TMEM135: variants seen among roughly 807,000 people sequenced by gnomAD.
TMEM135 encodes transmembrane protein 135.
Under a neutral mutation model 60.3 loss-of-function variants are expected in TMEM135, and 30 were observed. The observed-to-expected ratio is 0.50, with a 90% CI of 0.37 to 0.68. The LOEUF is 0.68. Among genes scored for constraint, TMEM135 ranks in the 30% least tolerant of loss-of-function variants. TMEM135 has a pLI of 0.00. For missense variants in TMEM135, 468 were observed against 548.8 expected (o/e 0.85, Z 1.47); for synonymous variants, 190 against 186.7 (o/e 1.02, Z -0.14).
At chr11:87,152,700 A>T (rs1317000653) in intron 4 of TMEM135, among the ~76,000 whole-genome samples, 4 of 152,188 alleles carry the variant, frequency 2.6e-5, no homozygotes, top group African/African-American at 9.7e-5. Flanking sequence ...CGGCCTCCCA[A>T]GGTGCTGGGA....
chr11:87,136,570 G>A (rs1255522353), intron 4 of TMEM135, among the ~76,000 whole-genome samples: 1 of 151,804 alleles, frequency 6.6e-6, no homozygotes, highest in African/African-American at 2.4e-5. Context: ...TTGAGAAATG[G>A]GATTATTTCT....
chr11:87,234,198 A>G (rs985415439), intron 5 of TMEM135, among the ~76,000 whole-genome samples: 39 of 151,990 alleles, frequency 2.6e-4, no homozygotes, highest in Non-Finnish European at 5.2e-4. Flanking sequence ...TTTGTATAAA[A>G]TAACAATCCC....
At chr11:87,200,386 A>G (rs977281104) in intron 5 of TMEM135, among the ~76,000 whole-genome samples, 5 of 152,346 alleles carry the variant, frequency 3.3e-5, no homozygotes, top group South Asian at 2.1e-4. Context: ...TCTGTAAAGT[A>G]TATAGGTAAT....
In TMEM135 at chr11:87,324,126, G is replaced by A; in HGVS notation, c.*2793G>A. The A allele has an allele frequency of 2.2e-6, 1 of 454,050 alleles. No individual in the cohort carries two copies. The highest frequency in any genetic ancestry group is 4.4e-6 in the Non-Finnish European group (1 of 226,768). The allele number at this position is 454,050 out of a possible 1,614,324, so 28.1% of individuals were successfully genotyped here. ...GTGCTCGAGTGTTCGTCTCCTTGTAGATTGTATCTAGGCTAACATTTCATT... is the reference window on the plus strand; with the variant it reads ...GTGCTCGAGTGTTCGTCTCCTTGTAAATTGTATCTAGGCTAACATTTCATT... On this transcript the variant is annotated 3_prime_UTR_variant, in exon 15 of 15. Coordinates refer to ENST00000305494, the MANE Select transcript of TMEM135 (RefSeq NM_022918.4).
chr11:87,095,124 G>C (rs1405704281), intron 4 of TMEM135: 1 of 184,482 alleles, frequency 5.4e-6, no homozygotes, highest in African/African-American at 2.3e-5. Flanking sequence ...GCATGCTGCT[G>C]CTTGTTAACT....
At position 87,041,358 on chromosome 11, in the gene TMEM135, T is replaced by C. The variant is rs143006648; in HGVS notation, c.141+3172T>C. On this transcript the variant is annotated intron_variant, in intron 1 of 14. Transcript: ENST00000305494. ...CTGTTCTGTGTGCATGCTATTGAGG[T>C]TTCTTTTTGAACAAAGGGGTTACAA... is the stretch of plus-strand genomic sequence containing the variant. Among the ~76,000 whole-genome samples, 256 of 152,032 alleles carry C rather than the reference T, an allele frequency of 1.7e-3. 2 individuals are homozygous for C. The highest frequency in any genetic ancestry group is 6.0e-3 in the African/African-American group (248 of 41,472).
At chr11:87,258,996 G>T in intron 6 of TMEM135, 1 of 1,525,328 alleles carries the variant, frequency 6.6e-7, no homozygotes, top group Non-Finnish European at 9.1e-7. Context: ...GAAGAACCAG[G>T]ATCATAAAGG....
intron 2 of TMEM135, among the ~76,000 whole-genome samples, chr11:87,068,521 T>A (rs1856709584): frequency 6.6e-6 from 1 of 152,222 alleles, no homozygotes; most frequent in African/African-American, 2.4e-5. Flanking sequence ...ATTAAAAGTA[T>A]AATTTCTGAC....
At chr11:87,159,624 A>G (rs925816754) in intron 5 of TMEM135, among the ~76,000 whole-genome samples, 8 of 93,744 alleles carry the variant, frequency 8.5e-5, no homozygotes, top group Admixed American at 6.5e-4. Flanking sequence ...CACACCATAG[A>G]TTTTCCGAGA....
rs774407492 is a variant in TMEM135, at chr11:87,328,746, G to C, written c.*7413G>C. On this transcript the variant is annotated 3_prime_UTR_variant, in exon 15 of 15. Coordinates refer to ENST00000305494, the MANE Select transcript of TMEM135 (RefSeq NM_022918.4). ...ACCACATTTTCTTTATCCACTCATT[G>C]GTCTATGGGCACTTTGGTTGATTCT... The C allele has an allele frequency of 4.4e-6, 2 of 453,992 alleles. No homozygotes were observed. The highest frequency in any genetic ancestry group is 4.7e-5 in the Admixed American group (2 of 42,558). 28.1% of individuals were successfully genotyped at this position (453,992 alleles called of 1,614,324 possible).
At chr11:87,279,592 T>C (rs1942024200) in intron 6 of TMEM135, among the ~76,000 whole-genome samples, 1 of 152,246 alleles carries the variant, frequency 6.6e-6, no homozygotes, top group Non-Finnish European at 1.5e-5. Flanking sequence ...TAGCCCTCGC[T>C]TTTAACTCTA....
intron 3 of TMEM135, among the ~76,000 whole-genome samples, chr11:87,072,490 C>T (rs1214966460): frequency 1.3e-5 from 2 of 152,060 alleles, no homozygotes; most frequent in Non-Finnish European, 2.9e-5. Flanking sequence ...AAGCAATTCT[C>T]CTATCTTAGC....
rs33923056 is a variant in TMEM135, at chr11:87,258,194, C to CT, written c.509+21521dup. On this transcript the variant is annotated intron_variant, in intron 6 of 14. Transcript: ENST00000305494. ...TTCTGTGTTTATTTTGGGGAAAAGCCTTTTTTTTTTTCAGTTGGAATCACT... is the reference window on the plus strand; with the variant it reads ...TTCTGTGTTTATTTTGGGGAAAAGCCTTTTTTTTTTTTCAGTTGGAATCACT... Among the ~76,000 whole-genome samples the CT allele has an allele frequency of 6.7e-4, 99 of 148,588 alleles. 1 individual carries two copies. The Middle Eastern group carries it at 0.024, about 36-fold the overall frequency.
intron 4 of TMEM135, among the ~76,000 whole-genome samples, chr11:87,097,642 T>G (rs951608575): frequency 2.0e-5 from 3 of 152,204 alleles, no homozygotes; most frequent in Non-Finnish European, 2.9e-5. Flanking sequence ...GGCTTCCTTT[T>G]ACCACCACTG....
At chr11:87,045,147 A>G (rs751360560) in intron 1 of TMEM135, among the ~76,000 whole-genome samples, 16 of 151,786 alleles carry the variant, frequency 1.1e-4, no homozygotes, top group Non-Finnish European at 1.6e-4. Flanking sequence ...CTCCTGCCTC[A>G]GCCTCTCGAG....
intron 6 of TMEM135, among the ~76,000 whole-genome samples, chr11:87,252,097 A>G (rs526023): frequency 0.66 from 100,139 of 151,908 alleles, 33,600 homozygotes; most frequent in Non-Finnish European, 0.71. Context: ...GCCATTTGCT[A>G]GAGGATTAAG....
At chr11:87,135,501 T>C (rs1053849094) in intron 4 of TMEM135, among the ~76,000 whole-genome samples, 8 of 151,544 alleles carry the variant, frequency 5.3e-5, no homozygotes, top group African/African-American at 1.9e-4. Context: ...ATCTTTTTTT[T>C]TTTTTTAACG....
At chr11:87,234,726 C>T (rs1940958111) in intron 5 of TMEM135, among the ~76,000 whole-genome samples, 1 of 151,856 alleles carries the variant, frequency 6.6e-6, no homozygotes, top group South Asian at 2.1e-4. Context: ...CTAGAGTTAC[C>T]CAGAACTAAG....
At chr11:87,224,739 G>T (rs760874918) in intron 5 of TMEM135, among the ~76,000 whole-genome samples, 1 of 146,072 alleles carries the variant, frequency 6.8e-6, no homozygotes, top group Non-Finnish European at 1.5e-5. Flanking sequence ...CTCCTTCTCC[G>T]TATGCTGAAT....
Sources: gnomAD v4.1 joint callset for allele counts (sites outside exome capture counted in the v4.1 genomes callset) on GRCh38, gnomAD v4.1.1 for gene constraint, MANE v1.5 for transcripts, NCBI Gene and HGNC (gene_info 2026-07-23, HGNC 2026-07-21) for gene names.